GABRR2: variants seen among roughly 807,000 people sequenced by gnomAD.
The protein encoded by GABRR2 is gamma-aminobutyric acid receptor subunit rho-2.
A neutral mutation model predicts 47.0 loss-of-function variants in GABRR2; 36 were observed. That is an observed-to-expected ratio of 0.77 (90% CI 0.59 to 1.01). The LOEUF (loss-of-function observed/expected upper bound fraction) is 1.01. GABRR2 is among the 50% of genes least tolerant of loss of function. The probability of loss-of-function intolerance (pLI) is 0.00; values close to 1 mark genes in which losing one functional copy is unlikely to be tolerated. For synonymous variants in GABRR2, 204 were observed against 227.5 expected (o/e 0.90, Z 0.93); for missense variants, 587 against 594.6 (o/e 0.99, Z 0.13).
intron 4 of GABRR2, 64 bp from the exon 5 acceptor site, chr6:89,268,160 A>G (rs902861101): frequency 8.2e-5 from 102 of 1,245,098 alleles, no homozygotes; most frequent in Non-Finnish European, 1.1e-4. Context: ...ATCTGCCCAG[A>G]GCAAGAAGGC....
chr6:89,271,918 T>G (rs1001585343), intron 2 of GABRR2, among the ~76,000 whole-genome samples, 196 bp from the exon 3 acceptor site: 1 of 152,244 alleles, frequency 6.6e-6, no homozygotes, highest in Non-Finnish European at 1.5e-5. Flanking sequence ...GGACTGTGCC[T>G]GCCTTATGTG....
Position 89,255,545 on chromosome 6 carries a change from T to C in GABRR2, c.*2125A>G, listed in dbSNP as rs1773583481. On this transcript the variant is annotated 3_prime_UTR_variant, in exon 9 of 9. Transcript: ENST00000402938. Reference sequence around the variant, plus strand: ...TGGTCTGTGAGACTGGGAAATCTAGTAGTCTTGGGTCCAGCAACTCCATAG... The same window carrying C: ...TGGTCTGTGAGACTGGGAAATCTAGCAGTCTTGGGTCCAGCAACTCCATAG... Among the ~76,000 whole-genome samples, 1 of 152,150 alleles carries C rather than the reference T, an allele frequency of 6.6e-6. No individual in the cohort carries two copies. Among genetic ancestry groups the C allele is most frequent in the Non-Finnish European group, 1.5e-5 (1 of 68,016 alleles).
intron 2 of GABRR2, among the ~76,000 whole-genome samples, chr6:89,290,928 T>C (rs944082756): frequency 2.0e-5 from 3 of 152,178 alleles, no homozygotes; most frequent in Non-Finnish European, 4.4e-5. Context: ...CTCCACATTC[T>C]TTGCAGCCTC....
Position 89,260,333 on chromosome 6 carries a change from T to C in GABRR2, c.1087-2352A>G, listed in dbSNP as rs573818847. Among the ~76,000 whole-genome samples, 174 of 152,354 alleles carry C rather than the reference T, an allele frequency of 1.1e-3. 1 individual carries two copies. Among genetic ancestry groups the C allele is most frequent in the Non-Finnish European group, 1.9e-3 (132 of 68,038 alleles). On this transcript the variant is annotated intron_variant, in intron 8 of 8. Transcript: ENST00000402938. ...TTCTCCTTGCTCTAAACTGAAAATC[T>C]TTCTGCTAAAATGAAAATAGACTCT...
In GABRR2 at chr6:89,254,656, C is replaced by G. The variant is rs1773565247; in HGVS notation, c.*3014G>C. ...AGATTCAGTGAAGTAAAGTATCATT[C>G]ATGCATTCCTGATAACAATTGTGTT... On this transcript the variant is annotated 3_prime_UTR_variant, in exon 9 of 9. Coordinates refer to ENST00000402938, the MANE Select transcript of GABRR2 (RefSeq NM_002043.5). Among the ~76,000 whole-genome samples the G allele has an allele frequency of 6.6e-6, 1 of 152,162 alleles. No homozygotes were observed. Among genetic ancestry groups the G allele is most frequent in the African/African-American group, 2.4e-5 (1 of 41,450 alleles).
intron 8 of GABRR2, among the ~76,000 whole-genome samples, chr6:89,259,050 G>C (rs981191184): frequency 6.6e-6 from 1 of 151,844 alleles, no homozygotes. Context: ...AAATGTGTAT[G>C]ACACTCTAAG....
intron 2 of GABRR2, among the ~76,000 whole-genome samples, chr6:89,272,671 T>C (rs1774080023): frequency 6.6e-6 from 1 of 152,202 alleles, no homozygotes; most frequent in Non-Finnish European, 1.5e-5. Context: ...GAGGCCAGCC[T>C]AGCTGCACGT....
chr6:89,287,588 C>T lies in GABRR2; in HGVS notation c.220+12171G>A, dbSNP rs942852780. Reference sequence around the variant, plus strand: ...CACACTGGCTGCGCTGGCCAGGCTGCGCTAAATGCTTCCAGAGGGACATCT... The same window carrying T: ...CACACTGGCTGCGCTGGCCAGGCTGTGCTAAATGCTTCCAGAGGGACATCT... On this transcript the variant is annotated intron_variant, in intron 2 of 8. Transcript: ENST00000402938. Among the ~76,000 whole-genome samples the T allele has an allele frequency of 4.6e-5, 7 of 152,234 alleles. No individual in the cohort carries two copies. In the South Asian group the frequency reaches 8.3e-4, roughly 18 times the overall value.
chr6:89,280,253 T>TACACAC (rs1554197270), intron 2 of GABRR2, among the ~76,000 whole-genome samples: 1 of 124,784 alleles, frequency 8.0e-6, no homozygotes, highest in African/African-American at 3.2e-5. Context: ...TATATATATA[T>TACACAC]ACATACATAT....
chr6:89,268,542 G>T (rs564894990), intron 4 of GABRR2, among the ~76,000 whole-genome samples: 3 of 151,584 alleles, frequency 2.0e-5, no homozygotes, highest in Non-Finnish European at 4.4e-5. Flanking sequence ...TCAGTGACAA[G>T]TAAGAAAAAA....
chr6:89,265,859 C>T, intron 6 of GABRR2, 94 bp from the exon 7 acceptor site: 1 of 1,247,102 alleles, frequency 8.0e-7, no homozygotes, highest in African/African-American at 1.5e-5. Flanking sequence ...CTTGGCTCTC[C>T]TCAGCAACAG....
At chr6:89,297,699 A>G (rs1481210902) in intron 2 of GABRR2, among the ~76,000 whole-genome samples, 3 of 152,170 alleles carry the variant, frequency 2.0e-5, no homozygotes, top group Non-Finnish European at 2.9e-5. Flanking sequence ...TACTAAAAAT[A>G]CAAAAGAATT....
At chr6:89,263,753 C>T (rs1016669727) in intron 8 of GABRR2, among the ~76,000 whole-genome samples, 1 of 152,164 alleles carries the variant, frequency 6.6e-6, no homozygotes, top group African/African-American at 2.4e-5. Context: ...GAACTCCTGA[C>T]CTCAGGTGAT....
At chr6:89,295,294 C>T (rs1216197515) in intron 2 of GABRR2, among the ~76,000 whole-genome samples, 1 of 152,222 alleles carries the variant, frequency 6.6e-6, no homozygotes, top group Admixed American at 6.5e-5. Context: ...ACATCCTCTC[C>T]AGCACCTGTT....
At chr6:89,303,818 A>G (rs1767505095) in intron 1 of GABRR2, among the ~76,000 whole-genome samples, 1 of 152,228 alleles carries the variant, frequency 6.6e-6, no homozygotes, top group Non-Finnish European at 1.5e-5. Flanking sequence ...ACCCACAGCC[A>G]TCTGATCTTA....
At chr6:89,258,721 T>A (rs1773667906) in intron 8 of GABRR2, among the ~76,000 whole-genome samples, 3 of 141,740 alleles carry the variant, frequency 2.1e-5, no homozygotes. Context: ...ACCCTGTCTC[T>A]TTTTTTTAAA....
chr6:89,287,228 G>A lies in GABRR2; in HGVS notation c.220+12531C>T, dbSNP rs79638348. The stretch of plus-strand genomic sequence containing the variant: ...AGAATAAAGCACCAGGAGAGCCAAG[G>A]GGGCACGAGGGTCTCTGCTCACAAT... On this transcript the variant is annotated intron_variant, in intron 2 of 8. Coordinates refer to ENST00000402938, the MANE Select transcript of GABRR2 (RefSeq NM_002043.5). 5.6e-3 allele frequency among the ~76,000 whole-genome samples: 847 copies of A among 152,294 alleles called. 6 individuals are homozygous for A. The highest frequency in any genetic ancestry group is 0.018 in the African/African-American group (741 of 41,564).
chr6:89,268,456 A>G (rs1254445045), intron 4 of GABRR2, among the ~76,000 whole-genome samples: 1 of 152,236 alleles, frequency 6.6e-6, no homozygotes, highest in Non-Finnish European at 1.5e-5. Context: ...ACCAAAGGCC[A>G]GAAGTGTCTA....
At chr6:89,303,906 A>G (rs983860894) in intron 1 of GABRR2, among the ~76,000 whole-genome samples, 2 of 152,250 alleles carry the variant, frequency 1.3e-5, no homozygotes, top group African/African-American at 2.4e-5. Flanking sequence ...AGCCATATGC[A>G]GAAGATTGAA....
Sources: allele counts gnomAD v4.1 joint callset (sites outside exome capture counted in the v4.1 genomes callset), GRCh38; gene constraint gnomAD v4.1.1; transcripts MANE v1.5; gene names NCBI Gene and HGNC (gene_info 2026-07-23, HGNC 2026-07-21).